The following ROBO1 variants were observed in gnomAD, a reference collection of about 807,000 sequenced individuals.
ROBO1 encodes the protein roundabout homolog 1.
ROBO1 carries 149 observed loss-of-function variants against 195.9 expected under a neutral mutation model. That is an observed-to-expected ratio of 0.76 (90% CI 0.67 to 0.87). ROBO1 has a LOEUF of 0.87. Among genes scored for constraint, ROBO1 ranks in the 40% least tolerant of loss-of-function variants. ROBO1 has a pLI of 0.00. For missense variants in ROBO1, 1,933 were observed against 2,068.3 expected (o/e 0.93, Z 1.27); for synonymous variants, 816 against 733.2 (o/e 1.11, Z -1.82).
chr3:79,128,204 T>C (rs1297380015), intron 2 of ROBO1, among the ~76,000 whole-genome samples: 2 of 152,168 alleles, frequency 1.3e-5, no homozygotes, highest in Non-Finnish European at 2.9e-5. Context: ...GGAGGTCCTA[T>C]ATTCCAGCTC....
rs560273618 is a variant in ROBO1, at chr3:78,865,329, C to A, written c.499+73272G>T. ...AATGCTACATTGTTTTGATTTTTAT[C>A]ACAACTAGTGAGTATACTTTAATAT... On this transcript the variant is annotated intron_variant, in intron 4 of 30. Transcript: ENST00000464233. 2.6e-5 allele frequency among the ~76,000 whole-genome samples: 4 copies of A among 152,248 alleles called. No individual in the cohort carries two copies. The East Asian group carries it at 7.7e-4, about 29-fold the overall frequency.
Position 78,969,261 on chromosome 3 carries a change from T to A in ROBO1, c.173-30334A>T, listed in dbSNP as rs187300362. ...CCAAGTCAAATGGCTGCTAAACCTA[T>A]AACTACTATCAACATGGAAGCTCAA... On this transcript the variant is annotated intron_variant, in intron 3 of 30. Coordinates refer to ENST00000464233, the MANE Select transcript of ROBO1 (RefSeq NM_002941.4). Among the ~76,000 whole-genome samples the A allele has an allele frequency of 1.9e-3, 287 of 152,334 alleles. 1 individual carries two copies. Among genetic ancestry groups the A allele is most frequent in the African/African-American group, 6.7e-3 (279 of 41,586 alleles).
chr3:78,600,303 A>C lies in ROBO1; in HGVS notation c.4751T>G (p.Ile1584Ser). ...AAAAGTAGGTCTACAATAAGGTAGAATATCCTCTGTGTAATGAAATATAAT... is the reference window on the plus strand; with the variant it reads ...AAAAGTAGGTCTACAATAAGGTAGACTATCCTCTGTGTAATGAAATATAAT... ...PAKTHLIQEDILPYCRPTFPT... is the reference protein window; with the variant it reads ...PAKTHLIQEDSLPYCRPTFPT... The change falls in exon 30 of 31, where the codon ATT becomes AGT. Residue 1584 changes from isoleucine to serine, a missense_variant. Transcript: ENST00000464233. 1.3e-6 allele frequency: 2 copies of C among 1,596,476 alleles called. No individual in the cohort carries two copies. The highest frequency in any genetic ancestry group is 1.1e-5 in the South Asian group (1 of 90,698).
In ROBO1 at chr3:79,589,948, AGACAATGT is replaced by A. The variant is rs1323512606; in HGVS notation, c.-45_-38del. ...CCTTGCATTACAACCAGCCAGTGAC[AGACAATGT>A]GTTATCTGGGGAGATTAAAAAAATA... On this transcript the variant is annotated 5_prime_UTR_variant, in exon 2 of 31. Transcript: ENST00000464233. 2.1e-6 allele frequency: 3 copies of A among 1,424,252 alleles called. No individual in the cohort carries two copies. In the African/African-American group the frequency reaches 4.2e-5, roughly 20 times the overall value. The allele number at this position is 1,424,252 out of a possible 1,614,324, so 88.2% of individuals were successfully genotyped here.
chr3:79,200,362 T>A (rs2108777179), intron 2 of ROBO1, among the ~76,000 whole-genome samples: 1 of 151,902 alleles, frequency 6.6e-6, no homozygotes, highest in African/African-American at 2.4e-5. Context: ...TTTTTGTTTT[T>A]GTTAGCTATT....
At chr3:79,695,247 T>C (rs1376539533) in intron 1 of ROBO1, among the ~76,000 whole-genome samples, 1 of 151,594 alleles carries the variant, frequency 6.6e-6, no homozygotes. Context: ...AAGACAAGCT[T>C]TTTAATTATA....
At chr3:79,074,533 C>T (rs988903755) in intron 3 of ROBO1, among the ~76,000 whole-genome samples, 1 of 151,770 alleles carries the variant, frequency 6.6e-6, no homozygotes, top group African/African-American at 2.4e-5. Flanking sequence ...ATCCTCCCAC[C>T]TCAGCCCCTG....
At position 78,879,601 on chromosome 3, in the gene ROBO1, T is replaced by G. The variant is rs2036062071; in HGVS notation, c.499+59000A>C. Among the ~76,000 whole-genome samples the G allele has an allele frequency of 2.0e-5, 3 of 152,004 alleles. 1 individual carries two copies. The highest frequency in any genetic ancestry group is 7.2e-5 in the African/African-American group (3 of 41,466). ...GGGATTAGAACCGCAGACGCTTTGC[T>G]GGCTCACATGTTCAAGCACATGCCC... On this transcript the variant is annotated intron_variant, in intron 4 of 30. Coordinates refer to ENST00000464233, the MANE Select transcript of ROBO1 (RefSeq NM_002941.4).
intron 2 of ROBO1, among the ~76,000 whole-genome samples, chr3:79,161,471 G>C (rs2080965057): frequency 6.6e-6 from 1 of 152,046 alleles, no homozygotes; most frequent in African/African-American, 2.4e-5. Context: ...CACTTGAGTA[G>C]AGGATAAGTT....
intron 3 of ROBO1, among the ~76,000 whole-genome samples, chr3:79,099,784 C>A (rs1028165924): frequency 6.6e-6 from 1 of 151,676 alleles, no homozygotes; most frequent in African/African-American, 2.4e-5. Context: ...GTATATATGT[C>A]AACTGGCCAT....
At chr3:79,637,670 G>A (rs1945536098) in intron 1 of ROBO1, among the ~76,000 whole-genome samples, 1 of 151,986 alleles carries the variant, frequency 6.6e-6, no homozygotes, top group African/African-American at 2.4e-5. Context: ...TATTATATAA[G>A]ATATATATAA....
rs542040035 is a variant in ROBO1 at position 78,741,385 on chromosome 3, G to T, written c.657+5358C>A. Among the ~76,000 whole-genome samples the T allele has an allele frequency of 1.1e-4, 16 of 152,202 alleles. No homozygotes were observed. In the South Asian group the frequency reaches 3.3e-3, roughly 32 times the overall value. On this transcript the variant is annotated intron_variant, in intron 5 of 30. Coordinates refer to ENST00000464233, the MANE Select transcript of ROBO1 (RefSeq NM_002941.4). ...AGATAAAAATATTAAAATTGTCTAA[G>T]AAAACAAACATAGAATAAGTGGCAA...
chr3:79,647,351 A>G (rs1945849512), intron 1 of ROBO1, among the ~76,000 whole-genome samples: 1 of 152,122 alleles, frequency 6.6e-6, no homozygotes, highest in Non-Finnish European at 1.5e-5. Context: ...GCTTCCTATT[A>G]AATATGTAAA....
chr3:78,971,189 T>G (rs1279380210), intron 3 of ROBO1, among the ~76,000 whole-genome samples: 1 of 151,976 alleles, frequency 6.6e-6, no homozygotes, highest in Admixed American at 6.6e-5. Flanking sequence ...GTCAGGAGTT[T>G]GAGACCAACC....
At chr3:79,176,957 TAGTA>T (rs1365388603) in intron 2 of ROBO1, among the ~76,000 whole-genome samples, 20 of 152,190 alleles carry the variant, frequency 1.3e-4, no homozygotes, top group African/African-American at 4.1e-4. Context: ...AGATAATACA[TAGTA>T]AGTGTCTCTG....
intron 2 of ROBO1, among the ~76,000 whole-genome samples, chr3:79,438,041 G>C (rs2038942557): frequency 6.6e-6 from 1 of 151,664 alleles, no homozygotes; most frequent in African/African-American, 2.4e-5. Context: ...AATGAAATCA[G>C]TGCTAATATA....
intron 3 of ROBO1, among the ~76,000 whole-genome samples, chr3:79,095,543 C>A (rs889036764): frequency 6.6e-6 from 1 of 152,046 alleles, no homozygotes; most frequent in African/African-American, 2.4e-5. Flanking sequence ...GAAGCCCCTA[C>A]TGACTTTTTT....
chr3:79,469,137 A>G (rs1340614221), intron 2 of ROBO1, among the ~76,000 whole-genome samples: 2 of 152,136 alleles, frequency 1.3e-5, no homozygotes, highest in African/African-American at 2.4e-5. Context: ...TCTCTTGGAA[A>G]ATAATGGGGC....
chr3:78,659,865 G>A, intron 16 of ROBO1, 58 bp from the exon 17 acceptor site: 2 of 1,427,712 alleles, frequency 1.4e-6, no homozygotes, highest in Non-Finnish European at 9.5e-7. Flanking sequence ...ACTGAAAGCA[G>A]GTAATTAATA....
Sources: allele counts gnomAD v4.1 joint callset (sites outside exome capture counted in the v4.1 genomes callset), GRCh38; gene constraint gnomAD v4.1.1; transcripts MANE v1.5; gene names NCBI Gene and HGNC (gene_info 2026-07-23, HGNC 2026-07-21).